PCDHGA3: variants seen among roughly 807,000 people sequenced by gnomAD.
PCDHGA3 encodes the protein protocadherin gamma-A3.
A neutral mutation model predicts 58.5 loss-of-function variants in PCDHGA3; 40 were observed. The observed-to-expected ratio is 0.68, with a 90% CI of 0.53 to 0.89. PCDHGA3 has a LOEUF of 0.89. Ranked by LOEUF, PCDHGA3 falls within the 40% of genes least tolerant of loss-of-function variation. The pLI is 0.00. For synonymous variants in PCDHGA3, 530 were observed against 525.7 expected, an observed-to-expected ratio of 1.01 and a Z score of -0.11; for missense variants, 1,223 against 1,195.9, an observed-to-expected ratio of 1.02 and a Z score of -0.33.
intron 1 of PCDHGA3, chr5:141,413,350 G>C: frequency 6.2e-7 from 1 of 1,613,974 alleles, no homozygotes; most frequent in South Asian, 1.1e-5. Context: ...CTTGGGTCTG[G>C]CGCCCCGGGA....
chr5:141,362,299 G>C (rs781560478), intron 1 of PCDHGA3: 3 of 1,614,078 alleles, frequency 1.9e-6, no homozygotes, highest in Non-Finnish European at 2.5e-6. Context: ...TTCCAGGTCA[G>C]ATGCTTGGGA....
At chr5:141,367,777 T>C (rs1765325375) in intron 1 of PCDHGA3, 1 of 152,150 alleles carries the variant, frequency 6.6e-6, no homozygotes, top group Non-Finnish European at 1.5e-5. Flanking sequence ...AATGTAAATA[T>C]GTCACACACC....
Position 141,344,138 on chromosome 5 carries a change from G to C in PCDHGA3, c.105G>C (p.Val35=). The change falls in exon 1 of 4, where the codon GTG becomes GTC. Residue 35 remains valine, a synonymous_variant. Coordinates refer to ENST00000253812, the MANE Select transcript of PCDHGA3 (RefSeq NM_018916.4). ...GATCCGGTCAGATCCGCTACTCGGT[G>C]TCTGAGGAGCTAGATAAAGGTTCCT... ...ETGSGQIRYS[V]SEELDKGSFV... 3 of 1,614,026 alleles carry C rather than the reference G, an allele frequency of 1.9e-6. No homozygotes were observed. Among genetic ancestry groups the C allele is most frequent in the Non-Finnish European group, 2.5e-6 (3 of 1,179,866 alleles).
intron 1 of PCDHGA3, chr5:141,372,129 C>A (rs62620756): frequency 0.034 from 55,182 of 1,613,622 alleles, 1,045 homozygotes; most frequent in Middle Eastern, 0.098. Flanking sequence ...CGATATGGTG[C>A]CGCGCTCTGC....
intron 1 of PCDHGA3, chr5:141,408,888 A>G: frequency 1.2e-6 from 2 of 1,613,352 alleles, no homozygotes; most frequent in Non-Finnish European, 1.7e-6. Context: ...GCTCACATAG[A>G]AATTTCTGTC....
At chr5:141,494,455 G>A (rs906714175) in intron 1 of PCDHGA3, among the ~76,000 whole-genome samples, 2 of 152,156 alleles carry the variant, frequency 1.3e-5, no homozygotes, top group African/African-American at 4.8e-5. Flanking sequence ...AGGGGGCTTT[G>A]TCTGCACCTC....
chr5:141,400,780 T>C, intron 1 of PCDHGA3: 1 of 566,270 alleles, frequency 1.8e-6, no homozygotes, highest in Non-Finnish European at 3.1e-6. Context: ...TGGTGCGTTT[T>C]TTTGTCCTCT....
intron 1 of PCDHGA3, chr5:141,393,474 C>G (rs773609499): frequency 3.1e-6 from 5 of 1,614,044 alleles, no homozygotes; most frequent in Non-Finnish European, 4.2e-6. Flanking sequence ...CGGCAAGCCG[C>G]CTCGCTCTAG....
chr5:141,372,625 G>A (rs1768925620), intron 1 of PCDHGA3: 8 of 1,614,000 alleles, frequency 5.0e-6, no homozygotes, highest in Non-Finnish European at 6.8e-6. Flanking sequence ...CCCACCTACA[G>A]CGAAAGGACT....
intron 1 of PCDHGA3, chr5:141,356,858 T>A: frequency 6.2e-7 from 1 of 1,614,210 alleles, no homozygotes; most frequent in Non-Finnish European, 8.5e-7. Context: ...CTCTTTGTGC[T>A]GGACCAGAAC....
intron 1 of PCDHGA3, among the ~76,000 whole-genome samples, chr5:141,463,642 G>A (rs573143516): frequency 6.6e-6 from 1 of 151,750 alleles, no homozygotes; most frequent in South Asian, 2.1e-4. Context: ...TAGTAGAGAC[G>A]GGGTTTCACC....
At chr5:141,488,239 G>A (rs576918071) in intron 1 of PCDHGA3, among the ~76,000 whole-genome samples, 3 of 152,222 alleles carry the variant, frequency 2.0e-5, no homozygotes, top group South Asian at 4.1e-4. Context: ...AACTAGATGC[G>A]GTAAATTGGA....
At chr5:141,378,972 G>A (rs2150135353) in intron 1 of PCDHGA3, 1 of 152,298 alleles carries the variant, frequency 6.6e-6, no homozygotes, top group Middle Eastern at 3.4e-3. Context: ...CTAATTTGAT[G>A]ACTTGTTGAA....
chr5:141,510,239 C>T (rs2099880022), intron 3 of PCDHGA3, among the ~76,000 whole-genome samples: 1 of 150,434 alleles, frequency 6.6e-6, no homozygotes, highest in Non-Finnish European at 1.5e-5. Flanking sequence ...CGCCACTGCA[C>T]TCCAGGCTGG....
chr5:141,371,377 C>T (rs1767709786), intron 1 of PCDHGA3: 3 of 1,614,006 alleles, frequency 1.9e-6, no homozygotes, highest in Non-Finnish European at 2.5e-6. Flanking sequence ...GGACATCACA[C>T]TGCATATTGT....
At chr5:141,406,436 T>C (rs1207276044) in intron 1 of PCDHGA3, among the ~76,000 whole-genome samples, 3 of 152,234 alleles carry the variant, frequency 2.0e-5, no homozygotes, top group Non-Finnish European at 4.4e-5. Context: ...TTGCTTCTAT[T>C]CTTCCATTTC....
intron 1 of PCDHGA3, among the ~76,000 whole-genome samples, chr5:141,349,666 A>G (rs531507820): frequency 6.6e-6 from 1 of 152,308 alleles, no homozygotes; most frequent in African/African-American, 2.4e-5. Context: ...AAGGGAGCTT[A>G]TTCCAATGAA....
At chr5:141,409,519 C>T in intron 1 of PCDHGA3, 1 of 1,614,040 alleles carries the variant, frequency 6.2e-7, no homozygotes, top group Non-Finnish European at 8.5e-7. Context: ...GAAGCATCAC[C>T]TTGTATGTCG....
intron 1 of PCDHGA3, among the ~76,000 whole-genome samples, chr5:141,425,440 A>G (rs1438530374): frequency 2.0e-5 from 3 of 152,248 alleles, no homozygotes; most frequent in Non-Finnish European, 4.4e-5. Flanking sequence ...GAGGATAAAA[A>G]TAAAACACCA....
Sources: gnomAD v4.1 joint callset for allele counts (sites outside exome capture counted in the v4.1 genomes callset) on GRCh38, gnomAD v4.1.1 for gene constraint, MANE v1.5 for transcripts, NCBI Gene and HGNC (gene_info 2026-07-23, HGNC 2026-07-21) for gene names.